Variants in SERINC5 observed in about 807,000 individuals in gnomAD.
SERINC5 encodes serine incorporator 5, also known as chromosome 5 open reading frame 12.
Under a neutral mutation model 63.1 loss-of-function variants are expected in SERINC5, and 41 were observed. The observed-to-expected ratio is 0.65, with a 90% CI of 0.51 to 0.84. The LOEUF (loss-of-function observed/expected upper bound fraction) is 0.84, where lower values mean the gene tolerates loss of function less well. SERINC5 is among the 40% of genes least tolerant of loss of function. The probability of loss-of-function intolerance (pLI) is 0.00; values close to 1 mark genes in which losing one functional copy is unlikely to be tolerated. For missense variants in SERINC5, 523 were observed against 573.0 expected (o/e 0.91, Z 0.89); for synonymous variants, 222 against 215.2 (o/e 1.03, Z -0.28).
chr5:80,182,550 C>T (rs113318248), intron 2 of SERINC5, among the ~76,000 whole-genome samples: 6 of 140,656 alleles, frequency 4.3e-5, no homozygotes, highest in Non-Finnish European at 6.1e-5. Flanking sequence ...GACCGCCCCC[C>T]CCCCCTCCGC....
chr5:80,197,755 A>G (rs910838980), intron 2 of SERINC5, among the ~76,000 whole-genome samples: 4 of 152,136 alleles, frequency 2.6e-5, no homozygotes, highest in African/African-American at 7.2e-5. Flanking sequence ...TCTTCCTCAA[A>G]CACAGACGTT....
At chr5:80,231,182 A>G (rs1035355) in intron 1 of SERINC5, among the ~76,000 whole-genome samples, 81,044 of 152,104 alleles carry the variant, frequency 0.53, 22,896 homozygotes, top group African/African-American at 0.73. Context: ...GTACTTTTAA[A>G]AAACAGTTAA....
Position 80,143,649 on chromosome 5 carries a change from G to T in SERINC5, c.*14C>A. On this transcript the variant is annotated 3_prime_UTR_variant, in exon 12 of 12. Coordinates refer to ENST00000507668, the MANE Select transcript of SERINC5 (RefSeq NM_001174072.3). Reference sequence around the variant, plus strand: ...GGCTGTAGGCCCACAAAGCCCAGGGGACCGCCGATATCATCACACAGAGAA... The same window carrying T: ...GGCTGTAGGCCCACAAAGCCCAGGGTACCGCCGATATCATCACACAGAGAA... 3.9e-6 allele frequency: 6 copies of T among 1,535,276 alleles called. No homozygotes were observed. The highest frequency in any genetic ancestry group is 5.2e-6 in the Non-Finnish European group (6 of 1,146,434).
intron 11 of SERINC5, among the ~76,000 whole-genome samples, chr5:80,133,057 A>C (rs1425853957): frequency 1.3e-5 from 2 of 152,138 alleles, no homozygotes; most frequent in East Asian, 3.9e-4. Flanking sequence ...CTGTCTTCGC[A>C]ATAGTAAGTT....
At chr5:80,199,781 T>C (rs898903918) in intron 2 of SERINC5, among the ~76,000 whole-genome samples, 1 of 152,214 alleles carries the variant, frequency 6.6e-6, no homozygotes, top group African/African-American at 2.4e-5. Flanking sequence ...GAATAGCAAC[T>C]TATTAAGAGC....
At position 80,138,743 on chromosome 5, in the gene SERINC5, T is replaced by C. The variant is rs1431120019; in HGVS notation, c.*4920A>G. On this transcript the variant is annotated 3_prime_UTR_variant, in exon 12 of 12. Transcript: ENST00000507668. Reference sequence around the variant, plus strand: ...AACATCATGTTGCACACCACAGATATATATCTTTTATTTGTCAATTAAAGG... The same window carrying C: ...AACATCATGTTGCACACCACAGATACATATCTTTTATTTGTCAATTAAAGG... 1 of 857,122 alleles carries C rather than the reference T, an allele frequency of 1.2e-6. No homozygotes were observed. The highest frequency in any genetic ancestry group is 1.4e-6 in the Non-Finnish European group (1 of 713,292). 53.1% of individuals were successfully genotyped at this position (857,122 alleles called of 1,614,324 possible).
chr5:80,142,046 C>T lies in SERINC5; in HGVS notation c.*1617G>A. On this transcript the variant is annotated 3_prime_UTR_variant, in exon 12 of 12. Transcript: ENST00000507668. ...CCAGCTTAGGTGGCACTCAATTCTG[C>T]CCAACTCATACAGTAGGGCACAGAA... 1.0e-6 allele frequency: 1 copy of T among 985,386 alleles called. No homozygotes were observed. Among genetic ancestry groups the T allele is most frequent in the Non-Finnish European group, 1.2e-6 (1 of 829,932 alleles). The allele number at this position is 985,386 out of a possible 1,614,324, so 61.0% of individuals were successfully genotyped here.
At chr5:80,195,122 A>G (rs903896457) in intron 2 of SERINC5, among the ~76,000 whole-genome samples, 1 of 152,100 alleles carries the variant, frequency 6.6e-6, no homozygotes, top group African/African-American at 2.4e-5. Flanking sequence ...CCCTTTCTCT[A>G]CTAAAAATAC....
intron 1 of SERINC5, among the ~76,000 whole-genome samples, chr5:80,226,305 A>G (rs1166362313): frequency 6.6e-6 from 1 of 152,136 alleles, no homozygotes; most frequent in Non-Finnish European, 1.5e-5. Flanking sequence ...TAACCCTTTG[A>G]TAGAAGTATC....
intron 1 of SERINC5, among the ~76,000 whole-genome samples, chr5:80,220,528 G>A (rs1043565484): frequency 3.3e-5 from 5 of 152,170 alleles, no homozygotes; most frequent in Admixed American, 3.3e-4. Flanking sequence ...GTGGATGTTG[G>A]ACTGGGCAAA....
At chr5:80,145,489 A>C (rs964210238) in intron 11 of SERINC5, among the ~76,000 whole-genome samples, 1 of 152,140 alleles carries the variant, frequency 6.6e-6, no homozygotes, top group South Asian at 2.1e-4. Flanking sequence ...TTTGTATTTT[A>C]AAAAAAGATG....
intron 1 of SERINC5, among the ~76,000 whole-genome samples, chr5:80,235,684 C>T (rs1751655430): frequency 6.6e-6 from 1 of 152,124 alleles, no homozygotes; most frequent in African/African-American, 2.4e-5. Context: ...GCAACCTCTC[C>T]CTCTTGGGTT....
At chr5:80,234,310 AC>A (rs1337169558) in intron 1 of SERINC5, among the ~76,000 whole-genome samples, 4 of 152,200 alleles carry the variant, frequency 2.6e-5, no homozygotes, top group Non-Finnish European at 5.9e-5. Flanking sequence ...GGATTGGCGT[AC>A]CCGTTTTTTC....
rs575005129 is a variant in SERINC5 at position 80,170,143 on chromosome 5, T to C, written c.552-597A>G. On this transcript the variant is annotated intron_variant, in intron 5 of 11. Coordinates refer to ENST00000507668, the MANE Select transcript of SERINC5 (RefSeq NM_001174072.3). ...AGTAAAGGAAGAGTTAATTATGTAG[T>C]CTCAGGGTAAGCAGAGAAATGACTG... Among the ~76,000 whole-genome samples the C allele has an allele frequency of 9.8e-5, 15 of 152,302 alleles. 2 individuals are homozygous for C. Among genetic ancestry groups the C allele is most frequent in the African/African-American group, 3.6e-4 (15 of 41,576 alleles).
intron 11 of SERINC5, among the ~76,000 whole-genome samples, chr5:80,130,774 T>G (rs537957222): frequency 6.6e-6 from 1 of 152,330 alleles, no homozygotes; most frequent in South Asian, 2.1e-4. Context: ...TATCCATCCA[T>G]TTGTTCATTT....
rs1053704010 is a variant in SERINC5 at position 80,155,042 on chromosome 5, G to C, written c.986+3794C>G. Among the ~76,000 whole-genome samples, 27 of 152,200 alleles carry C rather than the reference G, an allele frequency of 1.8e-4. 1 individual carries two copies. Among genetic ancestry groups the C allele is most frequent in the Non-Finnish European group, 4.4e-5 (3 of 68,036 alleles). ...GAAAGGTTGCCCGAAGTTGGGAGTAGAGAGCTACAGGTATAGGCTCCATGC... is the reference window on the plus strand; with the variant it reads ...GAAAGGTTGCCCGAAGTTGGGAGTACAGAGCTACAGGTATAGGCTCCATGC... On this transcript the variant is annotated intron_variant, in intron 8 of 11. Transcript: ENST00000507668.
rs930103700 is a variant in SERINC5 at position 80,139,080 on chromosome 5, A to C, written c.*4583T>G. 2.0e-6 allele frequency: 2 copies of C among 983,902 alleles called. No homozygotes were observed. Among genetic ancestry groups the C allele is most frequent in the Admixed American group, 1.2e-4 (2 of 16,262 alleles). 60.9% of individuals were successfully genotyped at this position (983,902 alleles called of 1,614,324 possible). The stretch of plus-strand genomic sequence containing the variant: ...TTCGAATCATATCAGAGACCATTAT[A>C]AATTTCAAACAGTAGATTTACCACA... On this transcript the variant is annotated 3_prime_UTR_variant, in exon 12 of 12. Transcript: ENST00000507668.
chr5:80,153,198 C>T (rs1471030316), intron 8 of SERINC5, among the ~76,000 whole-genome samples: 1 of 152,134 alleles, frequency 6.6e-6, no homozygotes, highest in Non-Finnish European at 1.5e-5. Context: ...TGGCTCACAT[C>T]TGTAATCCCA....
intron 2 of SERINC5, chr5:80,198,453 GAAATAAC>G: frequency 1.1e-6 from 1 of 899,776 alleles, no homozygotes. Context: ...GCAAAAACTG[GAAATAAC>G]TGACAAGGGA....
Sources: allele counts gnomAD v4.1 joint callset (sites outside exome capture counted in the v4.1 genomes callset), GRCh38; gene constraint gnomAD v4.1.1; transcripts MANE v1.5; gene names NCBI Gene and HGNC (gene_info 2026-07-23, HGNC 2026-07-21).